MAGI1: variants seen among roughly 807,000 people sequenced by gnomAD.
The protein encoded by MAGI1 is membrane-associated guanylate kinase, WW and PDZ domain-containing protein 1.
MAGI1 carries 58 observed loss-of-function variants against 139.9 expected under a neutral mutation model. The observed-to-expected ratio is 0.41, with a 90% CI of 0.34 to 0.52. MAGI1 has a LOEUF of 0.52. Among genes scored for constraint, MAGI1 ranks in the 20% least tolerant of loss-of-function variants. The pLI, the probability that MAGI1 is intolerant of heterozygous loss-of-function variation, is 0.12. For synonymous variants in MAGI1, 812 were observed against 737.9 expected, an observed-to-expected ratio of 1.10 and a Z score of -1.63; for missense variants, 1,874 against 1,901.6, an observed-to-expected ratio of 0.99 and a Z score of 0.27.
intron 1 of MAGI1, among the ~76,000 whole-genome samples, chr3:65,769,308 C>T (rs115394730): frequency 1.7e-3 from 257 of 152,114 alleles, no homozygotes; most frequent in African/African-American, 6.0e-3. Context: ...ATTGCACATG[C>T]ACTTTGAACT....
chr3:65,717,862 G>A (rs950875222), intron 1 of MAGI1, among the ~76,000 whole-genome samples: 2 of 152,200 alleles, frequency 1.3e-5, no homozygotes, highest in East Asian at 3.9e-4. Context: ...CCCTCCCCTA[G>A]GGCCAAAAGT....
chr3:65,792,925 G>C (rs975847410), intron 1 of MAGI1, among the ~76,000 whole-genome samples: 1 of 152,180 alleles, frequency 6.6e-6, no homozygotes, highest in Non-Finnish European at 1.5e-5. Context: ...TCCAAGGTAA[G>C]AGCCTGGTTT....
Position 65,855,633 on chromosome 3 carries a change from G to GAGAGGGGAGGGT in MAGI1, c.313+182362_313+182363insACCCTCCCCTCT, listed in dbSNP as rs1323680071. Among the ~76,000 whole-genome samples, 36 of 75,004 alleles carry GAGAGGGGAGGGT rather than the reference G, an allele frequency of 4.8e-4. 2 individuals are homozygous for GAGAGGGGAGGGT. The highest frequency in any genetic ancestry group is 8.7e-4 in the Non-Finnish European group (28 of 32,176). 49.2% of individuals were successfully genotyped at this position (75,004 alleles called of 152,430 possible). A position where few individuals can be genotyped will look rare whatever the true frequency, so the allele number is the denominator to read the frequency against. On this transcript the variant is annotated intron_variant, in intron 1 of 22. Coordinates refer to ENST00000402939, the MANE Select transcript of MAGI1 (RefSeq NM_001033057.2). Reference sequence around the variant, plus strand: ...GAGATGGGGAGGAGAGAGGGGAGGGGAAGGGAGAAACAGAGAGAGAGAAAG... The same window carrying GAGAGGGGAGGGT: ...GAGATGGGGAGGAGAGAGGGGAGGGGAGAGGGGAGGGTAAGGGAGAAACAGAGAGAGAGAAAG...
At chr3:65,502,875 G>T (rs192749616) in intron 2 of MAGI1, among the ~76,000 whole-genome samples, 9 of 152,060 alleles carry the variant, frequency 5.9e-5, no homozygotes, top group African/African-American at 2.2e-4. Flanking sequence ...CAAGGAAAGG[G>T]CTGAAAGAAA....
intron 14 of MAGI1, among the ~76,000 whole-genome samples, chr3:65,385,635 C>T (rs1943387692): frequency 6.6e-6 from 1 of 152,136 alleles, no homozygotes; most frequent in Non-Finnish European, 1.5e-5. Flanking sequence ...CCAGTAAGTA[C>T]AAGTCAGAGG....
rs10527666 is a variant in MAGI1, at chr3:65,795,696, T to TACACACACACACACACACACACACAC, written c.314-173634_314-173609dup. ...GAAACAGAACCATAAGATGATAAGA[T>TACACACACACACACACACACACACAC]ACACACACACACACACACACACACA... On this transcript the variant is annotated intron_variant, in intron 1 of 22. Coordinates refer to ENST00000402939, the MANE Select transcript of MAGI1 (RefSeq NM_001033057.2). Among the ~76,000 whole-genome samples, 217 of 138,998 alleles carry TACACACACACACACACACACACACAC rather than the reference T, an allele frequency of 1.6e-3. 3 individuals are homozygous for TACACACACACACACACACACACACAC. Among genetic ancestry groups the TACACACACACACACACACACACACAC allele is most frequent in the East Asian group, 0.016 (69 of 4,442 alleles). The allele number at this position is 138,998 out of a possible 152,430, so 91.2% of individuals were successfully genotyped here. A position where few individuals can be genotyped will look rare whatever the true frequency, so the allele number is the denominator to read the frequency against.
chr3:65,551,251 T>C (rs2079816014), intron 2 of MAGI1, among the ~76,000 whole-genome samples: 2 of 152,182 alleles, frequency 1.3e-5, no homozygotes, highest in Non-Finnish European at 2.9e-5. Flanking sequence ...CTAAGTTTCC[T>C]GAGGACTCCC....
chr3:65,865,243 A>T (rs372108433), intron 1 of MAGI1, among the ~76,000 whole-genome samples: 1 of 152,224 alleles, frequency 6.6e-6, no homozygotes, highest in African/African-American at 2.4e-5. Flanking sequence ...CCAAATAAAT[A>T]GTCTAGGATG....
At chr3:65,995,365 C>A (rs529244820) in intron 1 of MAGI1, among the ~76,000 whole-genome samples, 1 of 152,300 alleles carries the variant, frequency 6.6e-6, no homozygotes, top group East Asian at 1.9e-4. Flanking sequence ...GAGTGGCTCA[C>A]ACCGTCCCAA....
intron 1 of MAGI1, among the ~76,000 whole-genome samples, chr3:66,010,824 C>T (rs2067286266): frequency 6.6e-6 from 1 of 152,166 alleles, no homozygotes; most frequent in Non-Finnish European, 1.5e-5. Context: ...CACCTTTGCC[C>T]TCAGGATTTC....
At chr3:65,849,295 G>A (rs963565962) in intron 1 of MAGI1, among the ~76,000 whole-genome samples, 1 of 151,254 alleles carries the variant, frequency 6.6e-6, no homozygotes, top group Non-Finnish European at 1.5e-5. Context: ...AAAGTGCTAG[G>A]ATTACAAGCA....
At chr3:65,525,358 T>G (rs566111586) in intron 2 of MAGI1, among the ~76,000 whole-genome samples, 51 of 152,308 alleles carry the variant, frequency 3.3e-4, no homozygotes, top group African/African-American at 1.2e-3. Flanking sequence ...TTACAGTATT[T>G]GTAGCCAAAC....
At chr3:65,937,925 G>A (rs1438905286) in intron 1 of MAGI1, among the ~76,000 whole-genome samples, 1 of 151,796 alleles carries the variant, frequency 6.6e-6, no homozygotes, top group African/African-American at 2.4e-5. Context: ...TTTTTTTAAT[G>A]TACTTTTATA....
chr3:65,895,888 T>G (rs750496672), intron 1 of MAGI1, among the ~76,000 whole-genome samples: 19 of 152,242 alleles, frequency 1.2e-4, no homozygotes, highest in Non-Finnish European at 2.6e-4. Flanking sequence ...TGGAAAGCTA[T>G]TAATTATTCA....
intron 1 of MAGI1, among the ~76,000 whole-genome samples, chr3:65,687,040 T>C (rs373891741): frequency 1.3e-4 from 20 of 152,284 alleles, no homozygotes; most frequent in African/African-American, 4.3e-4. Flanking sequence ...TCCTAAAAAG[T>C]CTTGCTACTC....
At chr3:65,373,629 C>T (rs1413081468) in intron 18 of MAGI1, among the ~76,000 whole-genome samples, 7 of 152,146 alleles carry the variant, frequency 4.6e-5, no homozygotes, top group East Asian at 1.9e-4. Flanking sequence ...ATGTCTGGAC[C>T]GCATTTGGCT....
At chr3:65,807,654 T>TTACTAGA (rs2040947666) in intron 1 of MAGI1, among the ~76,000 whole-genome samples, 1 of 152,186 alleles carries the variant, frequency 6.6e-6, no homozygotes, top group Non-Finnish European at 1.5e-5. Flanking sequence ...AGCAACCGGC[T>TTACTAGA]ATTCCAAACA....
intron 7 of MAGI1, among the ~76,000 whole-genome samples, chr3:65,443,768 G>A (rs2107445206): frequency 6.6e-6 from 1 of 152,180 alleles, no homozygotes; most frequent in Middle Eastern, 3.4e-3. Flanking sequence ...CGTAGTCAAG[G>A]CAAACTTATG....
chr3:65,415,412 G>A (rs1210497683), intron 12 of MAGI1, among the ~76,000 whole-genome samples: 3 of 152,262 alleles, frequency 2.0e-5, no homozygotes, highest in Middle Eastern at 3.4e-3. Flanking sequence ...TTATTCCATC[G>A]TCATGACAGT....
Sources: gnomAD v4.1 joint callset for allele counts (sites outside exome capture counted in the v4.1 genomes callset) on GRCh38, gnomAD v4.1.1 for gene constraint, MANE v1.5 for transcripts, NCBI Gene and HGNC (gene_info 2026-07-23, HGNC 2026-07-21) for gene names.